PYROXD1: variants seen among roughly 807,000 people sequenced by gnomAD.
PYROXD1 encodes tRNA ligase complex-associated NAD(P)H dehydrogenase PYROXD1.
Under a neutral mutation model 62.0 loss-of-function variants are expected in PYROXD1, and 42 were observed. That is an observed-to-expected ratio of 0.68 (90% CI 0.53 to 0.88). The LOEUF is 0.88. Among genes scored for constraint, PYROXD1 ranks in the 40% least tolerant of loss-of-function variants. The probability of loss-of-function intolerance (pLI) is 0.00; values close to 1 mark genes in which losing one functional copy is unlikely to be tolerated. For missense variants in PYROXD1, 493 were observed against 604.8 expected, an observed-to-expected ratio of 0.82 and a Z score of 1.94; for synonymous variants, 170 against 206.4, an observed-to-expected ratio of 0.82 and a Z score of 1.51.
At chr12:21,464,652 C>T (rs1016779819) in intron 10 of PYROXD1, among the ~76,000 whole-genome samples, 2 of 151,620 alleles carry the variant, frequency 1.3e-5, no homozygotes, top group South Asian at 2.1e-4. Flanking sequence ...GTAAATGAAC[C>T]GAGGCCCAGA....
intron 4 of PYROXD1, among the ~76,000 whole-genome samples, chr12:21,450,647 A>G (rs1942478782): frequency 6.6e-6 from 1 of 152,214 alleles, no homozygotes; most frequent in Admixed American, 6.5e-5. Flanking sequence ...CTGTCTCATG[A>G]CATGATGATT....
At chr12:21,448,677 T>A (rs779765929) in intron 3 of PYROXD1, among the ~76,000 whole-genome samples, 4 of 152,240 alleles carry the variant, frequency 2.6e-5, no homozygotes, top group Non-Finnish European at 4.4e-5. Flanking sequence ...ACAAGGTTTG[T>A]AAGTCAAACA....
In PYROXD1 at chr12:21,452,174, TATG is replaced by T. The variant is rs777759582; in HGVS notation, c.488+23_488+25del. The T allele has an allele frequency of 1.6e-5, 22 of 1,378,404 alleles. No individual in the cohort carries two copies. Among genetic ancestry groups the T allele is most frequent in the African/African-American group, 1.2e-4 (8 of 65,232 alleles). 85.4% of individuals were successfully genotyped at this position (1,378,404 alleles called of 1,614,324 possible). ...GTTAGTGTAAGTATATATTTTTAAA[TATG>T]ATAACATTTAAATTGTTTAAAAATA... is the stretch of plus-strand genomic sequence containing the variant. On this transcript the variant is annotated intron_variant, in intron 5 of 11. Transcript: ENST00000240651.
chr12:21,466,138 T>G (rs1325814406), intron 10 of PYROXD1, among the ~76,000 whole-genome samples: 1 of 151,526 alleles, frequency 6.6e-6, no homozygotes, highest in Non-Finnish European at 1.5e-5. Context: ...TAGGATTGAC[T>G]TGGCGATGCG....
intron 1 of PYROXD1, among the ~76,000 whole-genome samples, 195 bp from the exon 2 acceptor site, chr12:21,440,173 T>G (rs930882802): frequency 6.6e-6 from 1 of 152,204 alleles, no homozygotes; most frequent in Non-Finnish European, 1.5e-5. Flanking sequence ...ATTTTCTCAG[T>G]ATCAGAGTTT....
intron 5 of PYROXD1, among the ~76,000 whole-genome samples, chr12:21,454,602 T>A (rs1162910015): frequency 6.6e-6 from 1 of 152,010 alleles, no homozygotes; most frequent in East Asian, 1.9e-4. Flanking sequence ...TCCTCTAAGA[T>A]CCTTGATCCT....
At chr12:21,443,635 G>A (rs1159122969) in intron 2 of PYROXD1, among the ~76,000 whole-genome samples, 2 of 152,070 alleles carry the variant, frequency 1.3e-5, no homozygotes, top group Admixed American at 6.6e-5. Context: ...TAAAGCCTAT[G>A]CAAAATAAAA....
Position 21,470,934 on chromosome 12 carries a change from A to T in PYROXD1, c.*2180A>T. On this transcript the variant is annotated 3_prime_UTR_variant, in exon 12 of 12. Coordinates refer to ENST00000240651, the MANE Select transcript of PYROXD1 (RefSeq NM_024854.5). ...TCCCATAGGCTTTAATATACTTTTTAAAATATATAAAACTGAAAATTAATA... is the reference window on the plus strand; with the variant it reads ...TCCCATAGGCTTTAATATACTTTTTTAAATATATAAAACTGAAAATTAATA... The T allele has an allele frequency of 7.2e-7, 1 of 1,381,640 alleles. No individual in the cohort carries two copies. The highest frequency in any genetic ancestry group is 1.8e-5 in the South Asian group (1 of 55,546). 85.6% of individuals were successfully genotyped at this position (1,381,640 alleles called of 1,614,324 possible).
chr12:21,441,834 A>G (rs140228140), intron 2 of PYROXD1, among the ~76,000 whole-genome samples: 1 of 152,288 alleles, frequency 6.6e-6, no homozygotes, highest in East Asian at 1.9e-4. Flanking sequence ...TGCACATTTG[A>G]TGACACACTT....
chr12:21,441,974 G>A (rs965460163), intron 2 of PYROXD1, among the ~76,000 whole-genome samples: 1 of 152,224 alleles, frequency 6.6e-6, no homozygotes, highest in Non-Finnish European at 1.5e-5. Flanking sequence ...GTGCAGCTCC[G>A]TCAGCTGAGT....
chr12:21,454,706 T>C (rs1379695453), intron 5 of PYROXD1: 1 of 152,200 alleles, frequency 6.6e-6, no homozygotes, highest in Non-Finnish European at 1.5e-5. Flanking sequence ...AAAAAGTTGT[T>C]ACCAAATAAG....
At chr12:21,445,564 A>C (rs1942371103) in intron 3 of PYROXD1, 98 bp downstream of exon 3, 1 of 1,224,388 alleles carries the variant, frequency 8.2e-7, no homozygotes, top group Non-Finnish European at 1.1e-6. Context: ...ACCACCATTT[A>C]AGTTTTTAAC....
chr12:21,448,117 C>T (rs1205728881), intron 3 of PYROXD1: 7 of 668,322 alleles, frequency 1.0e-5, no homozygotes, highest in African/African-American at 1.8e-5. Flanking sequence ...GATGTTAATG[C>T]ATGTTCTCTT....
intron 1 of PYROXD1, among the ~76,000 whole-genome samples, chr12:21,438,968 T>TA (rs1481433501): frequency 2.0e-5 from 3 of 152,212 alleles, no homozygotes; most frequent in Non-Finnish European, 4.4e-5. Context: ...ACGGTTATCT[T>TA]AGAGGTGCCT....
At chr12:21,468,369 T>C in intron 11 of PYROXD1, 137 bp from the exon 12 acceptor site, 1 of 723,466 alleles carries the variant, frequency 1.4e-6, no homozygotes. Flanking sequence ...TCTTTGGGAC[T>C]CTCCCCAATA....
At position 21,465,499 on chromosome 12, in the gene PYROXD1, C is replaced by T. The variant is rs569685465; in HGVS notation, c.1117-1982C>T. Among the ~76,000 whole-genome samples the T allele has an allele frequency of 3.3e-5, 5 of 150,250 alleles. No homozygotes were observed. In the South Asian group the frequency reaches 6.3e-4, roughly 19 times the overall value. On this transcript the variant is annotated intron_variant, in intron 10 of 11. Coordinates refer to ENST00000240651, the MANE Select transcript of PYROXD1 (RefSeq NM_024854.5). ...AGAAGTGTCTGTTCATATCCTTCGC[C>T]GACTTTTTGATGGGGTTGTTTTTTT...
intron 2 of PYROXD1, among the ~76,000 whole-genome samples, chr12:21,443,165 T>C (rs1942327705): frequency 6.6e-6 from 1 of 152,216 alleles, no homozygotes; most frequent in African/African-American, 2.4e-5. Flanking sequence ...TTGAGAATTA[T>C]TCAGATAGAA....
rs183502200 is a variant in PYROXD1, at chr12:21,465,132, G to A, written c.1116+2270G>A. Among the ~76,000 whole-genome samples, 1,164 of 152,190 alleles carry A rather than the reference G, an allele frequency of 7.6e-3. 9 individuals are homozygous for A. Among genetic ancestry groups the A allele is most frequent in the Middle Eastern group, 0.051 (15 of 294 alleles). ...GTGAATAGTGCCGCTATAAACATAC[G>A]TGTGCATGTGTCTTTATAGCAGCAT... On this transcript the variant is annotated intron_variant, in intron 10 of 11. Transcript: ENST00000240651.
chr12:21,462,984 A>G, intron 10 of PYROXD1, 122 bp downstream of exon 10: 2 of 694,542 alleles, frequency 2.9e-6, no homozygotes, highest in Non-Finnish European at 4.1e-6. Flanking sequence ...AAGCTAGCAC[A>G]GTTGTTATAT....
Sources: gnomAD v4.1 joint callset for allele counts (sites outside exome capture counted in the v4.1 genomes callset) on GRCh38, gnomAD v4.1.1 for gene constraint, MANE v1.5 for transcripts, NCBI Gene and HGNC (gene_info 2026-07-23, HGNC 2026-07-21) for gene names.